Variants in SBF2 observed in about 807,000 individuals in gnomAD.
SBF2 encodes SET binding factor 2, also known as myotubularin-related protein 13.
A neutral mutation model predicts 225.2 loss-of-function variants in SBF2; 112 were observed. That is an observed-to-expected ratio of 0.50 (90% CI 0.43 to 0.58). SBF2 has a LOEUF of 0.58. SBF2 is among the 20% of genes least tolerant of loss of function. The pLI, the probability that SBF2 is intolerant of heterozygous loss-of-function variation, is 0.00. For synonymous variants in SBF2, 763 were observed against 773.3 expected (o/e 0.99, Z 0.22); for missense variants, 1,996 against 2,206.2 (o/e 0.90, Z 1.91).
In SBF2 at chr11:10,303,111, T is replaced by C. The variant is rs3814700; in HGVS notation, n.386+1381A>G. ...AATGGGAGACAAGGGAGAAGAACAA[T>C]AGTTAGGCTGGGGAGGCTCCTGGTC... is the stretch of plus-strand genomic sequence containing the variant. On this transcript the variant is annotated intron_variant and non_coding_transcript_variant, in intron 1 of 5. Coordinates refer to the SBF2 transcript ENST00000685217. The surrounding 1 kb of genome is among the most constrained non-coding windows in gnomAD (Gnocchi z 5.2). 0.072 allele frequency: 10,904 copies of C among 152,252 alleles called. 607 individuals are homozygous for C. The highest frequency in any genetic ancestry group is 0.28 in the East Asian group (1,435 of 5,134). 9.4% of individuals were successfully genotyped at this position (152,252 alleles called of 1,614,324 possible). A position where few individuals can be genotyped will look rare whatever the true frequency, so the allele number is the denominator to read the frequency against.
At chr11:9,873,730 A>T (rs1312616347) in intron 17 of SBF2, among the ~76,000 whole-genome samples, 1 of 152,196 alleles carries the variant, frequency 6.6e-6, no homozygotes, top group Non-Finnish European at 1.5e-5. Context: ...GATTTAAAGA[A>T]AAGACAAAAG....
At chr11:9,791,491 A>C (rs1454331393) in intron 33 of SBF2, among the ~76,000 whole-genome samples, 1 of 151,540 alleles carries the variant, frequency 6.6e-6, no homozygotes, top group South Asian at 2.1e-4. Flanking sequence ...GGCCCCTAAG[A>C]CTAATTAACA....
At chr11:10,088,388 C>T (rs1951660086) in intron 2 of SBF2, among the ~76,000 whole-genome samples, 1 of 152,148 alleles carries the variant, frequency 6.6e-6, no homozygotes, top group South Asian at 2.1e-4. Context: ...AAGAGAGTTA[C>T]TATACACTAT....
intron 2 of SBF2, among the ~76,000 whole-genome samples, chr11:10,145,585 G>C (rs1433973890): frequency 6.6e-6 from 1 of 151,870 alleles, no homozygotes; most frequent in African/African-American, 2.4e-5. Flanking sequence ...ACTCTTCCTA[G>C]GCAAACTTAA....
intron 1 of SBF2, among the ~76,000 whole-genome samples, chr11:10,216,620 A>G (rs774266605): frequency 2.0e-5 from 3 of 152,244 alleles, no homozygotes; most frequent in Admixed American, 6.5e-5. Flanking sequence ...CTGTAATCCC[A>G]GCACTGTGGG....
chr11:10,145,845 T>C (rs962398196), intron 2 of SBF2, among the ~76,000 whole-genome samples: 1 of 152,174 alleles, frequency 6.6e-6, no homozygotes, highest in Admixed American at 6.5e-5. Context: ...GGCCCAAAAG[T>C]TCCTTCAGCT....
intron 3 of SBF2, among the ~76,000 whole-genome samples, chr11:10,037,948 T>A (rs1441553942): frequency 2.0e-5 from 3 of 152,036 alleles, no homozygotes; most frequent in African/African-American, 7.2e-5. Flanking sequence ...TATATGATAC[T>A]ATGTTTAAAT....
intron 2 of SBF2, among the ~76,000 whole-genome samples, chr11:10,094,693 G>A (rs1487756414): frequency 1.3e-5 from 2 of 151,698 alleles, no homozygotes; most frequent in South Asian, 2.1e-4. Flanking sequence ...TAGTAGAGAC[G>A]GGGTTTCACC....
intron 2 of SBF2, among the ~76,000 whole-genome samples, chr11:10,121,141 T>C (rs1410676628): frequency 6.6e-6 from 1 of 152,174 alleles, no homozygotes; most frequent in East Asian, 1.9e-4. Context: ...TGGTTTTAAT[T>C]TGCATTTCTC....
upstream of SBF2, among the ~76,000 whole-genome samples, chr11:10,297,462 T>A (rs1373527405): frequency 6.6e-6 from 1 of 152,210 alleles, no homozygotes; most frequent in East Asian, 1.9e-4. Context: ...ATCTAAAAAA[T>A]TATTGCCATA....
At chr11:9,921,004 T>C (rs1009493674) in intron 16 of SBF2, among the ~76,000 whole-genome samples, 2 of 151,866 alleles carry the variant, frequency 1.3e-5, no homozygotes, top group African/African-American at 2.4e-5. Flanking sequence ...CTACTGCCTA[T>C]AGTAATAGTT....
At chr11:10,185,121 T>G (rs1422579846) in intron 2 of SBF2, among the ~76,000 whole-genome samples, 19 of 148,960 alleles carry the variant, frequency 1.3e-4, no homozygotes, top group African/African-American at 1.7e-4. Context: ...GGGGGGGGTG[T>G]GTGTGTGCGT....
intron 16 of SBF2, among the ~76,000 whole-genome samples, chr11:9,922,795 T>C (rs943793531): frequency 7.2e-5 from 11 of 152,104 alleles, no homozygotes; most frequent in Non-Finnish European, 1.6e-4. Context: ...CTTAGCCCTT[T>C]AGAAATGCAA....
chr11:10,277,069 A>T (rs554334122), intron 1 of SBF2, among the ~76,000 whole-genome samples: 285 of 151,302 alleles, frequency 1.9e-3, no homozygotes, highest in Non-Finnish European at 3.1e-3. Context: ...CCATCTCTAC[A>T]AAAAACTTTA....
intron 2 of SBF2, among the ~76,000 whole-genome samples, chr11:10,096,157 A>G (rs1214729870): frequency 2.0e-5 from 3 of 152,144 alleles, no homozygotes; most frequent in African/African-American, 7.2e-5. Flanking sequence ...CTTTAAAAAT[A>G]TTTGGCTAAA....
At chr11:9,972,983 T>C (rs1052676650) in intron 13 of SBF2, among the ~76,000 whole-genome samples, 5 of 152,360 alleles carry the variant, frequency 3.3e-5, no homozygotes, top group African/African-American at 9.6e-5. Context: ...AATTATGATA[T>C]ATTTAGCTGT....
chr11:10,196,876 T>TTTTTTTTTTC lies in SBF2; in HGVS notation c.56-2890_56-2889insGAAAAAAAAA, dbSNP rs71034756. ...TATATATATATATATATTTTTTTTT[T>TTTTTTTTTTC]CCTACAAAATGAATACCACACTGAA... On this transcript the variant is annotated intron_variant, in intron 1 of 39. Coordinates refer to ENST00000256190, the MANE Select transcript of SBF2 (RefSeq NM_030962.4). 7.0e-4 allele frequency among the ~76,000 whole-genome samples: 83 copies of TTTTTTTTTTC among 119,062 alleles called. 1 individual carries two copies. The highest frequency in any genetic ancestry group is 2.4e-3 in the African/African-American group (80 of 33,012). The allele number at this position is 119,062 out of a possible 152,430, so 78.1% of individuals were successfully genotyped here.
At chr11:10,204,127 G>A (rs1957663649) in intron 1 of SBF2, among the ~76,000 whole-genome samples, 1 of 151,282 alleles carries the variant, frequency 6.6e-6, no homozygotes, top group Admixed American at 6.6e-5. Flanking sequence ...AAAAACAGCT[G>A]GAGAAAAAAG....
At chr11:10,126,249 C>G (rs1407267777) in intron 2 of SBF2, among the ~76,000 whole-genome samples, 5 of 152,146 alleles carry the variant, frequency 3.3e-5, no homozygotes, top group Non-Finnish European at 5.9e-5. Flanking sequence ...CTTTTCTCAA[C>G]CCTAATACTG....
Sources: allele counts gnomAD v4.1 joint callset (sites outside exome capture counted in the v4.1 genomes callset), GRCh38; gene constraint gnomAD v4.1.1; non-coding constraint Gnocchi (gnomAD v3.1); transcripts MANE v1.5; gene names NCBI Gene and HGNC (gene_info 2026-07-23, HGNC 2026-07-21).